The following ZBTB20 variants were observed in gnomAD, a reference collection of about 807,000 sequenced individuals.
ZBTB20 encodes zinc finger and BTB domain-containing protein 20.
Under a neutral mutation model 56.9 loss-of-function variants are expected in ZBTB20, and 9 were observed. The observed-to-expected ratio is 0.16, with a 90% CI of 0.10 to 0.28. The LOEUF is 0.28. ZBTB20 is among the 10% of genes least tolerant of loss of function. The pLI is 1.00. For synonymous variants in ZBTB20, 417 were observed against 420.7 expected (o/e 0.99, Z 0.11); for missense variants, 655 against 1,003.0 (o/e 0.65, Z 4.69).
chr3:115,057,089 A>T lies in ZBTB20; in HGVS notation c.-507+14130T>A, dbSNP rs75132472. ...AAATTATTATAGAGTCAAAACAGTT[A>T]ACCCCTTTTCATTATCCTTCTGTCT... On this transcript the variant is annotated intron_variant, in intron 2 of 11. Coordinates refer to ENST00000675478, the MANE Select transcript of ZBTB20 (RefSeq NM_001348800.3). Among the ~76,000 whole-genome samples, 184 of 152,210 alleles carry T rather than the reference A, an allele frequency of 1.2e-3. 3 individuals carry two copies. The East Asian group carries it at 0.021, about 17-fold the overall frequency.
intron 5 of ZBTB20, among the ~76,000 whole-genome samples, chr3:114,789,136 T>A (rs2070762139): frequency 6.6e-6 from 1 of 152,180 alleles, no homozygotes. Flanking sequence ...TTTTCATGCA[T>A]AGGATCTAAA....
At chr3:114,523,416 G>A (rs2046860888) in intron 6 of ZBTB20, among the ~76,000 whole-genome samples, 1 of 152,174 alleles carries the variant, frequency 6.6e-6, no homozygotes, top group Admixed American at 6.5e-5. Context: ...GGAAATCAAA[G>A]AAATGGGACA....
chr3:114,636,519 C>T (rs1309533983), intron 6 of ZBTB20, among the ~76,000 whole-genome samples: 1 of 151,960 alleles, frequency 6.6e-6, no homozygotes, highest in Non-Finnish European at 1.5e-5. Flanking sequence ...TAAATTGTGA[C>T]ACCAATAACA....
chr3:114,936,631 A>G (rs1211584482), intron 3 of ZBTB20, among the ~76,000 whole-genome samples: 1 of 152,248 alleles, frequency 6.6e-6, no homozygotes, highest in East Asian at 1.9e-4. Flanking sequence ...ATGGAAAACA[A>G]AGCATGTGCA....
At chr3:115,081,240 T>C (rs1237215194) in intron 1 of ZBTB20, among the ~76,000 whole-genome samples, 1 of 152,162 alleles carries the variant, frequency 6.6e-6, no homozygotes, top group East Asian at 1.9e-4. Context: ...CACATAAATC[T>C]CAAAATTGTT....
chr3:114,738,336 A>G (rs2066331156), intron 5 of ZBTB20, among the ~76,000 whole-genome samples: 1 of 152,060 alleles, frequency 6.6e-6, no homozygotes, highest in Admixed American at 6.6e-5. Context: ...TAATATTATA[A>G]TTAATAATTC....
intron 4 of ZBTB20, among the ~76,000 whole-genome samples, chr3:114,817,115 C>A (rs1240730221): frequency 6.6e-6 from 1 of 151,500 alleles, no homozygotes; most frequent in African/African-American, 2.4e-5. Context: ...GCTAAAAGAA[C>A]AAGAATATGA....
intron 4 of ZBTB20, among the ~76,000 whole-genome samples, chr3:114,817,634 A>G (rs2073018727): frequency 1.3e-5 from 2 of 152,110 alleles, no homozygotes; most frequent in African/African-American, 4.8e-5. Flanking sequence ...TTTCATTAGG[A>G]GTTTTGCAAT....
chr3:114,329,537 A>ACCAAATCC lies in ZBTB20; in HGVS notation c.*9460_*9467dup. 1 of 152,118 alleles carries ACCAAATCC rather than the reference A, an allele frequency of 6.6e-6. No homozygotes were observed. The highest frequency in any genetic ancestry group is 1.9e-4 in the East Asian group (1 of 5,190). 9.4% of individuals were successfully genotyped at this position (152,118 alleles called of 1,614,324 possible). On this transcript the variant is annotated 3_prime_UTR_variant, in exon 12 of 12. Coordinates refer to ENST00000675478, the MANE Select transcript of ZBTB20 (RefSeq NM_001348800.3). ...GATGGCCCAACTAAAGAAGAAAGGC[A>ACCAAATCC]CCAAATCCTCACTTTAACAGGTAAA...
At chr3:114,516,907 G>A (rs1344484474) in intron 6 of ZBTB20, among the ~76,000 whole-genome samples, 2 of 152,096 alleles carry the variant, frequency 1.3e-5, no homozygotes, top group Admixed American at 6.6e-5. Context: ...ATAACTGTGA[G>A]ACAAAAAATT....
chr3:114,935,983 A>T lies in ZBTB20; in HGVS notation c.-455-35641T>A, dbSNP rs143223927. On this transcript the variant is annotated intron_variant, in intron 3 of 11. Transcript: ENST00000675478. The stretch of plus-strand genomic sequence containing the variant: ...GAAAGGGGGGCTCATTCTAGAGGTA[A>T]ATTTACAATAAATGGCTTTATTCTT... Among the ~76,000 whole-genome samples, 459 of 152,282 alleles carry T rather than the reference A, an allele frequency of 3.0e-3. 6 individuals carry two copies. The highest frequency in any genetic ancestry group is 0.01 in the African/African-American group (431 of 41,552).
At chr3:114,734,581 C>A (rs1042802321) in intron 5 of ZBTB20, among the ~76,000 whole-genome samples, 2 of 151,950 alleles carry the variant, frequency 1.3e-5, no homozygotes, top group African/African-American at 4.8e-5. Flanking sequence ...GTTCTTATGG[C>A]AAATTTTGGG....
rs867570594 is a variant in ZBTB20 at position 114,988,814 on chromosome 3, C to T, written c.-506-14398G>A. 9.3e-4 allele frequency among the ~76,000 whole-genome samples: 141 copies of T among 152,222 alleles called. 1 individual carries two copies. In the Middle Eastern group the frequency reaches 0.01, roughly 11 times the overall value. ...CATTCTAACTGGTGTGAGATGGTGT[C>T]TCATTGTGGTTTTGATTTGCATTTC... is the stretch of plus-strand genomic sequence containing the variant. On this transcript the variant is annotated intron_variant, in intron 2 of 11. Coordinates refer to ENST00000675478, the MANE Select transcript of ZBTB20 (RefSeq NM_001348800.3).
chr3:115,070,451 A>G (rs2082369299), intron 2 of ZBTB20, among the ~76,000 whole-genome samples: 1 of 152,182 alleles, frequency 6.6e-6, no homozygotes, highest in African/African-American at 2.4e-5. Flanking sequence ...ACAGATGAAC[A>G]GAAACACACC....
At position 115,067,372 on chromosome 3, in the gene ZBTB20, G is replaced by A. The variant is rs1445923161; in HGVS notation, c.-507+3847C>T. Among the ~76,000 whole-genome samples the A allele has an allele frequency of 2.0e-5, 3 of 152,144 alleles. No individual in the cohort carries two copies. In the East Asian group the frequency reaches 5.8e-4, roughly 29 times the overall value. On this transcript the variant is annotated intron_variant, in intron 2 of 11. Transcript: ENST00000675478. ...TTTATTATTATAGTTGATCGAGTTA[G>A]TCAAATGTCATGAGTGCCTCTTAAA...
intron 4 of ZBTB20, among the ~76,000 whole-genome samples, chr3:114,844,529 A>AAAAAAAAAC (rs1422919923): frequency 7.4e-6 from 1 of 134,304 alleles, no homozygotes. Context: ...TCAAAAAAAA[A>AAAAAAAAAC]AAAAAAAAAA....
At chr3:114,863,373 G>T (rs1203030475) in intron 4 of ZBTB20, among the ~76,000 whole-genome samples, 1 of 152,008 alleles carries the variant, frequency 6.6e-6, no homozygotes, top group African/African-American at 2.4e-5. Flanking sequence ...CTTCATCTGG[G>T]CTTCTTCAAA....
At chr3:114,778,356 A>C (rs553496138) in intron 5 of ZBTB20, among the ~76,000 whole-genome samples, 97 of 151,172 alleles carry the variant, frequency 6.4e-4, no homozygotes, top group Middle Eastern at 3.4e-3. Context: ...TCTCAAAACA[A>C]AACAGCAACA....
At chr3:114,568,112 T>G (rs1256025745) in intron 6 of ZBTB20, among the ~76,000 whole-genome samples, 1 of 152,208 alleles carries the variant, frequency 6.6e-6, no homozygotes, top group African/African-American at 2.4e-5. Flanking sequence ...GAGATAACCC[T>G]AGCTTTCTCT....
Sources: allele counts gnomAD v4.1 joint callset (sites outside exome capture counted in the v4.1 genomes callset), GRCh38; gene constraint gnomAD v4.1.1; transcripts MANE v1.5; gene names NCBI Gene and HGNC (gene_info 2026-07-23, HGNC 2026-07-21).